The following PTPRT variants were observed in gnomAD, a reference collection of about 807,000 sequenced individuals.
PTPRT encodes the protein protein tyrosine phosphatase receptor type T.
A neutral mutation model predicts 176.8 loss-of-function variants in PTPRT; 56 were observed. That is an observed-to-expected ratio of 0.32 (90% CI 0.26 to 0.40). PTPRT has a LOEUF of 0.40. PTPRT is among the 10% of genes least tolerant of loss of function. PTPRT has a pLI of 1.00. For missense variants in PTPRT, 1,540 were observed against 1,908.2 expected, an observed-to-expected ratio of 0.81 and a Z score of 3.60; for synonymous variants, 783 against 739.0, an observed-to-expected ratio of 1.06 and a Z score of -0.96.
At chr20:42,904,583 G>A (rs1164346420) in intron 1 of PTPRT, among the ~76,000 whole-genome samples, 1 of 152,156 alleles carries the variant, frequency 6.6e-6, no homozygotes. Flanking sequence ...TACGGGAAGG[G>A]GGCAGGGAAG....
At chr20:42,616,462 C>T (rs2074080845) in intron 7 of PTPRT, among the ~76,000 whole-genome samples, 4 of 126,264 alleles carry the variant, frequency 3.2e-5, no homozygotes, top group African/African-American at 7.3e-5. Context: ...TAGTTTTTTC[C>T]AATTCTGTGA....
At chr20:42,645,436 T>C (rs549182686) in intron 7 of PTPRT, among the ~76,000 whole-genome samples, 2 of 152,280 alleles carry the variant, frequency 1.3e-5, no homozygotes, top group African/African-American at 4.8e-5. Context: ...AATGGTAACC[T>C]GCCCATTAAC....
At position 42,118,402 on chromosome 20, in the gene PTPRT, C is replaced by A; in HGVS notation, c.2982+1G>T. On this transcript the variant is annotated splice_donor_variant, in intron 21 of 30. Transcript: ENST00000373187. LOFTEE classifies it high-confidence loss of function. Reference sequence around the variant, plus strand: ...CCCAGGCGAGTGCAGGAGAGGCTTACCCTGCCCACTTCCACCAGGTTTGTG... The same window carrying A: ...CCCAGGCGAGTGCAGGAGAGGCTTAACCTGCCCACTTCCACCAGGTTTGTG... 1 of 1,609,912 alleles carries A rather than the reference C, an allele frequency of 6.2e-7. No individual in the cohort carries two copies.
the PTPRT span, among the ~76,000 whole-genome samples, chr20:42,054,483 G>C: frequency 6.6e-6 from 1 of 152,324 alleles, no homozygotes; most frequent in Admixed American, 6.5e-5. Context: ...GAATGTCAGA[G>C]ATGGAGGGGC....
rs545668436 is a variant in PTPRT, at chr20:42,804,627, C to T, written c.215-13161G>A. ...AGTGGCTGAAACAACAGAAGTTGAT[C>T]GTCTCACAGTCCTGGAGGCTGAAAG... On this transcript the variant is annotated intron_variant, in intron 2 of 30. Coordinates refer to ENST00000373187, the MANE Select transcript of PTPRT (RefSeq NM_007050.6). Among the ~76,000 whole-genome samples, 3 of 152,350 alleles carry T rather than the reference C, an allele frequency of 2.0e-5. No homozygotes were observed. In the South Asian group the frequency reaches 6.2e-4, roughly 32 times the overall value.
rs1456734037 is a variant in PTPRT at position 42,288,217 on chromosome 20, C to G, written c.2140-5692G>C. Among the ~76,000 whole-genome samples, 3 of 151,996 alleles carry G rather than the reference C, an allele frequency of 2.0e-5. No individual in the cohort carries two copies. In the East Asian group the frequency reaches 5.8e-4, roughly 29 times the overall value. ...AGATCAAAACACTCAACATTGCCAGCACCTCAGAAGTTTCCCTCATGCTTC... is the reference window on the plus strand; with the variant it reads ...AGATCAAAACACTCAACATTGCCAGGACCTCAGAAGTTTCCCTCATGCTTC... On this transcript the variant is annotated intron_variant, in intron 12 of 30. Coordinates refer to ENST00000373187, the MANE Select transcript of PTPRT (RefSeq NM_007050.6).
chr20:42,952,771 C>A (rs1313613873), intron 1 of PTPRT, among the ~76,000 whole-genome samples: 1 of 152,156 alleles, frequency 6.6e-6, no homozygotes, highest in Non-Finnish European at 1.5e-5. Flanking sequence ...GAATGGGTTA[C>A]AAAGCAGGGG....
chr20:42,798,051 G>C (rs1281214010), intron 2 of PTPRT, among the ~76,000 whole-genome samples: 2 of 152,166 alleles, frequency 1.3e-5, no homozygotes, highest in Non-Finnish European at 2.9e-5. Context: ...AGCAGCAATA[G>C]GAAACTAATA....
chr20:42,227,259 G>GA (rs2056035368), intron 15 of PTPRT, among the ~76,000 whole-genome samples: 2 of 152,154 alleles, frequency 1.3e-5, no homozygotes, highest in South Asian at 4.1e-4. Context: ...AGGAAAGGTT[G>GA]AATGGTGATG....
At chr20:42,226,419 C>T (rs764720256) in intron 15 of PTPRT, among the ~76,000 whole-genome samples, 2 of 152,116 alleles carry the variant, frequency 1.3e-5, no homozygotes, top group South Asian at 2.1e-4. Flanking sequence ...TAATGACTTC[C>T]GAAATACCTC....
At chr20:42,595,872 A>T (rs1285164460) in intron 7 of PTPRT, among the ~76,000 whole-genome samples, 1 of 152,170 alleles carries the variant, frequency 6.6e-6, no homozygotes, top group Non-Finnish European at 1.5e-5. Context: ...AGGCTGTTTA[A>T]AGGGAAATCA....
At chr20:43,111,224 C>T (rs1670739166) in intron 1 of PTPRT, among the ~76,000 whole-genome samples, 1 of 152,108 alleles carries the variant, frequency 6.6e-6, no homozygotes. Flanking sequence ...GTTCATACTA[C>T]TGTGTCTGAT....
chr20:42,213,025 G>C (rs1214791257), intron 15 of PTPRT, among the ~76,000 whole-genome samples: 1 of 152,134 alleles, frequency 6.6e-6, no homozygotes, highest in Non-Finnish European at 1.5e-5. Flanking sequence ...AAGCTTTCCA[G>C]GTGATTATAG....
At chr20:42,674,631 A>G (rs2075469246) in intron 7 of PTPRT, among the ~76,000 whole-genome samples, 1 of 152,234 alleles carries the variant, frequency 6.6e-6, no homozygotes, top group Non-Finnish European at 1.5e-5. Context: ...AAGCTGAGAT[A>G]AGGTATTACC....
chr20:43,118,940 C>G (rs2013155769), intron 1 of PTPRT, among the ~76,000 whole-genome samples: 1 of 152,110 alleles, frequency 6.6e-6, no homozygotes, highest in Non-Finnish European at 1.5e-5. Context: ...CCAGAAAATG[C>G]TAATTTTATT....
chr20:42,034,647 T>A, the PTPRT span, among the ~76,000 whole-genome samples: 18 of 152,256 alleles, frequency 1.2e-4, no homozygotes, highest in Non-Finnish European at 1.9e-4. Flanking sequence ...TCCTGGGGGT[T>A]AAGCACAATG....
chr20:42,973,332 C>T (rs150896393), intron 1 of PTPRT, among the ~76,000 whole-genome samples: 32 of 152,110 alleles, frequency 2.1e-4, no homozygotes, highest in African/African-American at 7.0e-4. Context: ...CCCAAGTCTT[C>T]ATGTGGCAGC....
intron 1 of PTPRT, among the ~76,000 whole-genome samples, chr20:43,011,258 C>T (rs946442353): frequency 1.2e-4 from 19 of 152,126 alleles, no homozygotes; most frequent in African/African-American, 3.9e-4. Context: ...AAAATGCCCA[C>T]GCCACAAATG....
intron 6 of PTPRT, among the ~76,000 whole-genome samples, chr20:42,742,903 G>A (rs1197724199): frequency 6.6e-6 from 1 of 152,140 alleles, no homozygotes; most frequent in Non-Finnish European, 1.5e-5. Flanking sequence ...ATGAACCCCA[G>A]GTTTGCCTGC....
Sources: gnomAD v4.1 joint callset for allele counts (sites outside exome capture counted in the v4.1 genomes callset) on GRCh38, gnomAD v4.1.1 for gene constraint, MANE v1.5 for transcripts, NCBI Gene and HGNC (gene_info 2026-07-23, HGNC 2026-07-21) for gene names.